DPP10: variants seen among roughly 807,000 people sequenced by gnomAD.
DPP10 encodes inactive dipeptidyl peptidase 10.
Under a neutral mutation model 120.9 loss-of-function variants are expected in DPP10, and 33 were observed. The observed-to-expected ratio is 0.27, with a 90% CI of 0.21 to 0.37. DPP10 has a LOEUF of 0.37. Among genes scored for constraint, DPP10 ranks in the 10% least tolerant of loss-of-function variants. The probability of loss-of-function intolerance (pLI) is 1.00; values close to 1 mark genes in which losing one functional copy is unlikely to be tolerated. For missense variants in DPP10, 816 were observed against 942.8 expected (o/e 0.87, Z 1.76); for synonymous variants, 337 against 326.1 (o/e 1.03, Z -0.36).
chr2:115,338,303 G>C (rs2063266624), intron 2 of DPP10, among the ~76,000 whole-genome samples: 1 of 152,020 alleles, frequency 6.6e-6, no homozygotes, highest in African/African-American at 2.4e-5. Flanking sequence ...ACAGGAGATT[G>C]TATTTATGTA....
chr2:115,122,461 C>T (rs2049874518), intron 1 of DPP10, among the ~76,000 whole-genome samples: 1 of 152,170 alleles, frequency 6.6e-6, no homozygotes, highest in Non-Finnish European at 1.5e-5. Context: ...GGCCTTGGGC[C>T]AGCCTATATC....
chr2:115,840,311 G>GTTGTTTTTTTTT (rs1689961087), intron 24 of DPP10, among the ~76,000 whole-genome samples: 1 of 33,242 alleles, frequency 3.0e-5, no homozygotes, highest in African/African-American at 9.0e-5. Context: ...CAGATATAAG[G>GTTGTTTTTTTTT]TTTTTTGGTT....
intron 1 of DPP10, among the ~76,000 whole-genome samples, chr2:114,906,381 T>TG (rs1693964434): frequency 7.2e-6 from 1 of 138,794 alleles, no homozygotes; most frequent in African/African-American, 2.8e-5. Flanking sequence ...GAGTTCTATC[T>TG]CAAAAAAAAA....
chr2:114,613,102 G>A (rs887889888), intron 1 of DPP10, among the ~76,000 whole-genome samples: 4 of 152,058 alleles, frequency 2.6e-5, no homozygotes, highest in African/African-American at 4.8e-5. Flanking sequence ...TTTCTGGTAC[G>A]TATTTAGCTC....
At chr2:115,818,684 A>G (rs1213281471) in intron 21 of DPP10, among the ~76,000 whole-genome samples, 1 of 152,208 alleles carries the variant, frequency 6.6e-6, no homozygotes, top group Non-Finnish European at 1.5e-5. Context: ...AATGAGAGGA[A>G]GACTGGGCCG....
intron 1 of DPP10, among the ~76,000 whole-genome samples, chr2:114,658,551 G>A (rs576448944): frequency 3.0e-4 from 45 of 152,090 alleles, no homozygotes; most frequent in Admixed American, 9.2e-4. Context: ...ATCCACTAGG[G>A]TTGGGTTGGA....
At chr2:114,594,929 C>G (rs994985289) in intron 1 of DPP10, among the ~76,000 whole-genome samples, 1 of 152,006 alleles carries the variant, frequency 6.6e-6, no homozygotes, top group African/African-American at 2.4e-5. Flanking sequence ...CTGACTGTCT[C>G]TCTCTGTCTC....
intron 15 of DPP10, among the ~76,000 whole-genome samples, chr2:115,779,047 T>C (rs930198209): frequency 4.6e-5 from 7 of 152,092 alleles, no homozygotes; most frequent in Non-Finnish European, 7.4e-5. Context: ...AGAAACACTT[T>C]ATATCTTATA....
chr2:115,795,955 G>C (rs181163312), intron 19 of DPP10, among the ~76,000 whole-genome samples: 1 of 151,892 alleles, frequency 6.6e-6, no homozygotes, highest in African/African-American at 2.4e-5. Context: ...CTGCTGCTAG[G>C]TTGAACTTGG....
intron 1 of DPP10, among the ~76,000 whole-genome samples, chr2:115,279,175 T>C (rs897212525): frequency 6.6e-6 from 1 of 152,140 alleles, no homozygotes; most frequent in African/African-American, 2.4e-5. Context: ...CTCATGGACA[T>C]CATTGATTTG....
intron 1 of DPP10, among the ~76,000 whole-genome samples, chr2:114,767,999 G>A (rs1235614230): frequency 2.6e-5 from 4 of 151,886 alleles, no homozygotes; most frequent in Non-Finnish European, 4.4e-5. Context: ...ATGGTGGTGG[G>A]TGCCTGTAAT....
At chr2:114,457,432 G>A (rs561479538) in intron 1 of DPP10, among the ~76,000 whole-genome samples, 2 of 152,274 alleles carry the variant, frequency 1.3e-5, no homozygotes, top group Admixed American at 6.5e-5. Flanking sequence ...CATGGTAGCT[G>A]TTGTTGCAGG....
intron 9 of DPP10, among the ~76,000 whole-genome samples, chr2:115,740,881 T>C (rs1053483270): frequency 1.3e-5 from 2 of 152,148 alleles, no homozygotes; most frequent in Admixed American, 1.3e-4. Flanking sequence ...TTTTAGCTCC[T>C]AATTAAGTAA....
chr2:115,037,573 CA>C (rs1476034636), intron 1 of DPP10, among the ~76,000 whole-genome samples: 1 of 152,160 alleles, frequency 6.6e-6, no homozygotes, highest in African/African-American at 2.4e-5. Context: ...TTCCTTAGAG[CA>C]ACTACATGAG....
chr2:115,504,245 A>C (rs111499113), intron 4 of DPP10, among the ~76,000 whole-genome samples: 4 of 147,480 alleles, frequency 2.7e-5, no homozygotes, highest in East Asian at 2.0e-4. Flanking sequence ...TGTTCAGATA[A>C]GTTAGTATCA....
intron 1 of DPP10, among the ~76,000 whole-genome samples, chr2:115,009,417 G>T (rs1702097401): frequency 1.3e-5 from 2 of 151,960 alleles, no homozygotes; most frequent in South Asian, 2.1e-4. Context: ...TATCACACTG[G>T]GTTCTGTTGT....
intron 1 of DPP10, among the ~76,000 whole-genome samples, chr2:115,170,947 C>T (rs971409995): frequency 6.6e-6 from 1 of 152,162 alleles, no homozygotes; most frequent in Non-Finnish European, 1.5e-5. Context: ...TGGTACTTCT[C>T]GTTCCTTCAT....
intron 4 of DPP10, among the ~76,000 whole-genome samples, chr2:115,517,674 A>T (rs2077575875): frequency 6.6e-6 from 1 of 152,182 alleles, no homozygotes; most frequent in African/African-American, 2.4e-5. Flanking sequence ...TGGGAATTAA[A>T]TTTGTAATTG....
chr2:115,194,083 T>C (rs927523639), intron 1 of DPP10, among the ~76,000 whole-genome samples: 7 of 152,206 alleles, frequency 4.6e-5, no homozygotes, highest in African/African-American at 1.7e-4. Context: ...CTTTCTGACT[T>C]AGGATAGTTC....
Sources: gnomAD v4.1 joint callset for allele counts (sites outside exome capture counted in the v4.1 genomes callset) on GRCh38, gnomAD v4.1.1 for gene constraint, MANE v1.5 for transcripts, NCBI Gene and HGNC (gene_info 2026-07-23, HGNC 2026-07-21) for gene names.